PTPRG: variants seen among roughly 807,000 people sequenced by gnomAD.
PTPRG encodes the protein receptor-type tyrosine-protein phosphatase gamma.
PTPRG carries 102 observed loss-of-function variants against 165.3 expected under a neutral mutation model. The observed-to-expected ratio is 0.62, with a 90% confidence interval of 0.53 to 0.73. PTPRG has a LOEUF of 0.73. Ranked by LOEUF, PTPRG falls within the 30% of genes least tolerant of loss-of-function variation. PTPRG has a pLI of 0.00. For synonymous variants in PTPRG, 675 were observed against 669.5 expected (o/e 1.01, Z -0.13); for missense variants, 1,866 against 1,861.4 (o/e 1.00, Z -0.05).
intron 2 of PTPRG, among the ~76,000 whole-genome samples, chr3:61,889,895 T>C (rs958104566): frequency 3.9e-5 from 6 of 152,152 alleles, no homozygotes; most frequent in African/African-American, 1.2e-4. Context: ...CACCAACTTA[T>C]AATACAGAGA....
intron 2 of PTPRG, among the ~76,000 whole-genome samples, chr3:61,869,446 AG>A (rs1461726715): frequency 1.3e-5 from 2 of 152,210 alleles, no homozygotes; most frequent in African/African-American, 4.8e-5. Context: ...CTTTTCAGTC[AG>A]GTGGTTGCAC....
intron 2 of PTPRG, among the ~76,000 whole-genome samples, chr3:61,938,908 C>T (rs1225280649): frequency 2.0e-5 from 3 of 152,028 alleles, no homozygotes; most frequent in South Asian, 4.1e-4. Flanking sequence ...ATTTCATGAG[C>T]GGCCATTAAT....
intron 1 of PTPRG, among the ~76,000 whole-genome samples, chr3:61,570,245 AC>A (rs1021512520): frequency 7.0e-6 from 1 of 143,346 alleles, no homozygotes; most frequent in Non-Finnish European, 1.5e-5. Context: ...CACACCTCGT[AC>A]CCTCTAATCT....
rs138296086 is a variant in PTPRG, at chr3:61,994,431, A to G, written c.370+4627A>G. Among the ~76,000 whole-genome samples the G allele has an allele frequency of 1.9e-3, 282 of 152,108 alleles. 4 individuals carry two copies. Among genetic ancestry groups the G allele is most frequent in the Middle Eastern group, 0.01 (3 of 294 alleles). ...TTCTCACATTGTATTGGTTTATTAT[A>G]TTTTTTCTTTGCCTACATTCTTCCC... On this transcript the variant is annotated intron_variant, in intron 3 of 29. Coordinates refer to ENST00000474889, the MANE Select transcript of PTPRG (RefSeq NM_002841.4).
chr3:61,964,687 CTT>C (rs1219739821), intron 2 of PTPRG, among the ~76,000 whole-genome samples: 1 of 152,080 alleles, frequency 6.6e-6, no homozygotes, highest in Non-Finnish European at 1.5e-5. Flanking sequence ...TTTTTCCACT[CTT>C]TATTATAGTT....
At chr3:61,797,062 C>T (rs935237639) in intron 2 of PTPRG, among the ~76,000 whole-genome samples, 14 of 152,116 alleles carry the variant, frequency 9.2e-5, no homozygotes, top group Admixed American at 2.0e-4. Flanking sequence ...CCTGGTTTTG[C>T]GAGGTTGTTA....
chr3:61,788,916 C>T (rs1447203613), intron 2 of PTPRG, among the ~76,000 whole-genome samples: 1 of 152,160 alleles, frequency 6.6e-6, no homozygotes, highest in Non-Finnish European at 1.5e-5. Flanking sequence ...GACTGGCTCC[C>T]TACCTTGGCT....
Position 62,271,382 on chromosome 3 carries a change from G to C in PTPRG, c.3010-1G>C, listed in dbSNP as rs1702056345. ...GACATCTTTTTTCACTTTTCTCACA[G>C]GGTCAGAAGGGAAATCCCAAGGGTC... On this transcript the variant is annotated splice_acceptor_variant, in intron 20 of 29. Coordinates refer to ENST00000474889, the MANE Select transcript of PTPRG (RefSeq NM_002841.4). LOFTEE classifies it high-confidence loss of function. The surrounding 1 kb of genome is among the most constrained non-coding windows in gnomAD (Gnocchi z 4.1). The C allele has an allele frequency of 6.3e-7, 1 of 1,587,134 alleles. No homozygotes were observed. The highest frequency in any genetic ancestry group is 8.6e-7 in the Non-Finnish European group (1 of 1,169,342).
chr3:61,655,449 A>G (rs1702483835), intron 1 of PTPRG, among the ~76,000 whole-genome samples: 1 of 152,174 alleles, frequency 6.6e-6, no homozygotes, highest in Admixed American at 6.5e-5. Flanking sequence ...GGCACATAGT[A>G]GATGTTCAGA....
chr3:62,203,146 C>T lies in PTPRG; in HGVS notation c.1378-27C>T, dbSNP rs1427367551. Reference sequence around the variant, plus strand: ...TGCTTTTTCTTCTTCTGCCTCTTTTCCACCCTTGCCGGGTGACCCTTTCCA... The same window carrying T: ...TGCTTTTTCTTCTTCTGCCTCTTTTTCACCCTTGCCGGGTGACCCTTTCCA... On this transcript the variant is annotated intron_variant, in intron 11 of 29. Coordinates refer to ENST00000474889, the MANE Select transcript of PTPRG (RefSeq NM_002841.4). This position sits in a 1 kb window ranked among gnomAD's most constrained non-coding sequence, Gnocchi z 6.4. 9.8e-6 allele frequency: 15 copies of T among 1,538,412 alleles called. No homozygotes were observed. Among genetic ancestry groups the T allele is most frequent in the Non-Finnish European group, 1.1e-5 (12 of 1,142,454 alleles).
intron 2 of PTPRG, among the ~76,000 whole-genome samples, chr3:61,819,724 A>G (rs1395429528): frequency 6.6e-6 from 1 of 152,212 alleles, no homozygotes; most frequent in African/African-American, 2.4e-5. Flanking sequence ...AAACAGACAA[A>G]ATCCATAACA....
At chr3:61,777,029 C>T (rs1575655532) in intron 2 of PTPRG, among the ~76,000 whole-genome samples, 1 of 152,190 alleles carries the variant, frequency 6.6e-6, no homozygotes, top group African/African-American at 2.4e-5. Flanking sequence ...TGAATCTTTC[C>T]TGGGCCTAGA....
At chr3:61,750,063 G>C (rs994111315) in intron 2 of PTPRG, 2 of 152,116 alleles carry the variant, frequency 1.3e-5, no homozygotes, top group Non-Finnish European at 2.9e-5. Flanking sequence ...TATCCTATCT[G>C]TTTTGTTTTG....
At chr3:61,852,543 C>T (rs626136) in intron 2 of PTPRG, among the ~76,000 whole-genome samples, 23,990 of 152,048 alleles carry the variant, frequency 0.16, 1,887 homozygotes, top group Middle Eastern at 0.19. Flanking sequence ...GCTTCAGTGA[C>T]GTTATAATTG....
intron 2 of PTPRG, among the ~76,000 whole-genome samples, chr3:61,817,142 A>G (rs1386245561): frequency 7.9e-6 from 1 of 127,306 alleles, no homozygotes; most frequent in Admixed American, 9.6e-5. Flanking sequence ...TAATACATAT[A>G]TTACATATAT....
chr3:62,207,473 G>C (rs545525706), intron 12 of PTPRG, among the ~76,000 whole-genome samples: 1 of 152,194 alleles, frequency 6.6e-6, no homozygotes, highest in East Asian at 1.9e-4. Context: ...CTCCAGTATG[G>C]TATTTATTTT....
At chr3:61,905,105 A>G (rs1212760192) in intron 2 of PTPRG, among the ~76,000 whole-genome samples, 1 of 152,146 alleles carries the variant, frequency 6.6e-6, no homozygotes, top group Non-Finnish European at 1.5e-5. Flanking sequence ...CACACTATAG[A>G]TATTTGAAAA....
intron 2 of PTPRG, among the ~76,000 whole-genome samples, chr3:61,775,602 G>A (rs2107049084): frequency 6.6e-6 from 1 of 152,216 alleles, no homozygotes; most frequent in Non-Finnish European, 1.5e-5. Context: ...CCTAGAAATA[G>A]CTTCATGTAA....
At chr3:62,266,351 CT>C (rs1013775439) in intron 17 of PTPRG, among the ~76,000 whole-genome samples, 3 of 152,112 alleles carry the variant, frequency 2.0e-5, no homozygotes, top group African/African-American at 7.2e-5. Context: ...TTCATCACAA[CT>C]TTCAAGGTAT....
Sources: gnomAD v4.1 joint callset for allele counts (sites outside exome capture counted in the v4.1 genomes callset) on GRCh38, gnomAD v4.1.1 for gene constraint, Gnocchi (gnomAD v3.1) non-coding constraint, MANE v1.5 for transcripts, NCBI Gene and HGNC (gene_info 2026-07-23, HGNC 2026-07-21) for gene names.